EPB41L2: variants seen among roughly 807,000 people sequenced by gnomAD.
EPB41L2 encodes the protein band 4.1-like protein 2.
A neutral mutation model predicts 113.0 loss-of-function variants in EPB41L2; 43 were observed. That is an observed-to-expected ratio of 0.38 (90% CI 0.30 to 0.49). The LOEUF (loss-of-function observed/expected upper bound fraction) is 0.49. Among genes scored for constraint, EPB41L2 ranks in the 20% least tolerant of loss-of-function variants. EPB41L2 has a pLI of 0.95. For synonymous variants in EPB41L2, 442 were observed against 436.7 expected, an observed-to-expected ratio of 1.01 and a Z score of -0.15; for missense variants, 1,147 against 1,223.4, an observed-to-expected ratio of 0.94 and a Z score of 0.93.
chr6:131,054,606 T>C (rs754651450), intron 1 of EPB41L2, among the ~76,000 whole-genome samples: 1 of 152,374 alleles, frequency 6.6e-6, no homozygotes, highest in Non-Finnish European at 1.5e-5. Flanking sequence ...ATAGTCCCTG[T>C]TCGGGCGCCA....
At chr6:130,894,707 A>G (rs1794050829) in intron 9 of EPB41L2, among the ~76,000 whole-genome samples, 1 of 152,140 alleles carries the variant, frequency 6.6e-6, no homozygotes, top group African/African-American at 2.4e-5. Flanking sequence ...AATGATCACA[A>G]CTTAATTGAT....
intron 3 of EPB41L2, among the ~76,000 whole-genome samples, chr6:130,927,396 T>C (rs1805125436): frequency 6.6e-6 from 1 of 152,104 alleles, no homozygotes; most frequent in Middle Eastern, 3.2e-3. Context: ...TTGACAGCCA[T>C]AGAAGAAAAG....
intron 1 of EPB41L2, among the ~76,000 whole-genome samples, chr6:130,979,466 G>C (rs1444294298): frequency 7.2e-6 from 1 of 138,250 alleles, no homozygotes; most frequent in African/African-American, 2.7e-5. Context: ...CTGCACTCCA[G>C]CCTGGATGAT....
rs1379776921 is a variant in EPB41L2 at position 130,901,016 on chromosome 6, G to A, written c.1094C>T (p.Pro365Leu). ...CTCTTCCAGCTCCTTAGTCTGAGTA[G>A]GGGCAAACTGGAATTCACTGAGGTC... is the stretch of plus-strand genomic sequence containing the variant. Reference protein sequence around the residue: ...SIDLSEFQFAPTQTKELEEKV... With the variant: ...SIDLSEFQFALTQTKELEEKV... The change falls in exon 7 of 20, where the codon CCT becomes CTT. Residue 365 changes from proline to leucine, a missense_variant. By Grantham distance (98) the Pro-to-Leu change is moderately conservative (BLOSUM62 -3). Transcript: ENST00000337057. The A allele has an allele frequency of 6.2e-7, 1 of 1,614,122 alleles. No individual in the cohort carries two copies. The highest frequency in any genetic ancestry group is 1.7e-5 in the Admixed American group (1 of 60,014).
intron 17 of EPB41L2, 69 bp from the exon 18 acceptor site, chr6:130,863,787 CAG>C (rs1319910708): frequency 2.9e-6 from 3 of 1,039,376 alleles, no homozygotes; most frequent in Non-Finnish European, 4.5e-6. Context: ...TCAGAGCAAA[CAG>C]AGATGGGAGT....
At chr6:130,884,992 GAAC>G in intron 12 of EPB41L2, 101 bp downstream of exon 12, 2 of 1,333,098 alleles carry the variant, frequency 1.5e-6, no homozygotes, top group Non-Finnish European at 2.1e-6. Flanking sequence ...AGAGAACATA[GAAC>G]AACTAATTTT....
chr6:131,001,640 AC>A (rs1218186985), intron 1 of EPB41L2, among the ~76,000 whole-genome samples: 2 of 152,164 alleles, frequency 1.3e-5, no homozygotes, highest in Non-Finnish European at 2.9e-5. Context: ...GAAAAGTATA[AC>A]CAACTTTGCA....
At chr6:131,052,696 G>C (rs1176548223) in intron 1 of EPB41L2, among the ~76,000 whole-genome samples, 1 of 152,116 alleles carries the variant, frequency 6.6e-6, no homozygotes, top group Non-Finnish European at 1.5e-5. Flanking sequence ...GAGAAAATGG[G>C]AAGAGGGAGT....
chr6:131,052,974 A>ATCGCT (rs1796861396), intron 1 of EPB41L2, among the ~76,000 whole-genome samples: 1 of 151,978 alleles, frequency 6.6e-6, no homozygotes, highest in East Asian at 1.9e-4. Context: ...TGGCTCACTG[A>ATCGCT]AACTTCCACC....
At chr6:130,950,006 G>T (rs1814304660) in intron 3 of EPB41L2, among the ~76,000 whole-genome samples, 1 of 152,134 alleles carries the variant, frequency 6.6e-6, no homozygotes, top group Admixed American at 6.5e-5. Flanking sequence ...CAGGCAACAG[G>T]AGACTGATTA....
At chr6:130,989,505 A>G (rs1218499591) in intron 1 of EPB41L2, among the ~76,000 whole-genome samples, 1 of 151,954 alleles carries the variant, frequency 6.6e-6, no homozygotes, top group African/African-American at 2.4e-5. Flanking sequence ...ACTGCGGGAG[A>G]GTTGATATTT....
At position 130,880,488 on chromosome 6, in the gene EPB41L2, G is replaced by T. The variant is rs920024063; in HGVS notation, c.1834-282C>A. The T allele has an allele frequency of 6.1e-6, 4 of 650,942 alleles. No individual in the cohort carries two copies. The East Asian group carries it at 8.2e-5, about 13-fold the overall frequency. 40.3% of individuals were successfully genotyped at this position (650,942 alleles called of 1,614,324 possible). ...CTGCGTTTCCTCTTCTTCCATCTTC[G>T]CCTGAAAAGTCACACAGCAAACGGC... On this transcript the variant is annotated intron_variant, in intron 12 of 19. Transcript: ENST00000337057.
intron 4 of EPB41L2, among the ~76,000 whole-genome samples, chr6:130,909,653 A>C (rs1016534028): frequency 2.0e-5 from 3 of 152,236 alleles, no homozygotes; most frequent in Non-Finnish European, 4.4e-5. Context: ...TCTCAGCCCA[A>C]AATCTACTTA....
Position 130,899,399 on chromosome 6 carries a change from A to G in EPB41L2, c.1236+92T>C, listed in dbSNP as rs2275064. On this transcript the variant is annotated intron_variant, in intron 8 of 19. Coordinates refer to ENST00000337057, the MANE Select transcript of EPB41L2 (RefSeq NM_001431.4). ...AATTGAAAGCAAATATCCTTTTCCCAAAAATAAGCTGTGCTATCCTGAAAC... is the reference window on the plus strand; with the variant it reads ...AATTGAAAGCAAATATCCTTTTCCCGAAAATAAGCTGTGCTATCCTGAAAC... 25,283 of 1,013,702 alleles carry G rather than the reference A, an allele frequency of 0.025. 1,717 individuals carry two copies. The East Asian group carries it at 0.27, about 11-fold the overall frequency. 62.8% of individuals were successfully genotyped at this position (1,013,702 alleles called of 1,614,324 possible).
At chr6:130,996,600 G>A (rs1783174824) in intron 1 of EPB41L2, among the ~76,000 whole-genome samples, 1 of 152,158 alleles carries the variant, frequency 6.6e-6, no homozygotes, top group Non-Finnish European at 1.5e-5. Flanking sequence ...TCTAATGAAT[G>A]AATGAATGAA....
chr6:130,859,990 C>G (rs1781518087), intron 18 of EPB41L2, among the ~76,000 whole-genome samples: 1 of 152,162 alleles, frequency 6.6e-6, no homozygotes, highest in East Asian at 1.9e-4. Context: ...GAGCAGGTAT[C>G]TGGTTCCAGG....
intron 1 of EPB41L2, among the ~76,000 whole-genome samples, chr6:130,960,883 CT>C (rs1194029475): frequency 6.6e-6 from 1 of 152,128 alleles, no homozygotes; most frequent in Non-Finnish European, 1.5e-5. Context: ...AAAATGAAAA[CT>C]CCATGAGGGC....
chr6:131,061,393 G>A (rs1017868004), intron 1 of EPB41L2, among the ~76,000 whole-genome samples: 1 of 152,172 alleles, frequency 6.6e-6, no homozygotes, highest in Non-Finnish European at 1.5e-5. Flanking sequence ...AAGTTTGATG[G>A]TGGTTCTTAA....
rs150873575 is a variant in EPB41L2, at chr6:130,869,673, C to A, written c.2497G>T (p.Ala833Ser). Reference protein sequence around the residue: ...IPGEKSVHEGALKQDMGEEAE... With the variant: ...IPGEKSVHEGSLKQDMGEEAE... ...TCTTCTCCCATGTCTTGCTTAAGAG[C>A]GCCTTCGTGTACACTCTTCTCTCCG... The change falls in exon 15 of 20, where the codon GCT (alanine) becomes TCT (serine). Residue 833 changes from alanine to serine, a missense_variant. Ala to Ser is a moderately conservative substitution (Grantham distance 99, BLOSUM62 1). Transcript: ENST00000337057. 38 of 1,614,202 alleles carry A rather than the reference C, an allele frequency of 2.4e-5. No individual in the cohort carries two copies. Among genetic ancestry groups the A allele is most frequent in the Middle Eastern group, 3.3e-4 (2 of 6,062 alleles).
Sources: gnomAD v4.1 joint callset for allele counts (sites outside exome capture counted in the v4.1 genomes callset) on GRCh38, gnomAD v4.1.1 for gene constraint, MANE v1.5 for transcripts, NCBI Gene and HGNC (gene_info 2026-07-23, HGNC 2026-07-21) for gene names.